CHI3L2: variants seen among roughly 807,000 people sequenced by gnomAD.
The protein encoded by CHI3L2 is chitinase-3-like protein 2.
CHI3L2 carries 47 observed loss-of-function variants against 47.3 expected under a neutral mutation model. The observed-to-expected ratio is 0.99, with a 90% CI of 0.79 to 1.27. The LOEUF (loss-of-function observed/expected upper bound fraction) is 1.27, where lower values mean the gene tolerates loss of function less well. Ranked by LOEUF, CHI3L2 falls within the 50% of genes most tolerant of loss-of-function variation. The probability of loss-of-function intolerance (pLI) is 0.00; values close to 1 mark genes in which losing one functional copy is unlikely to be tolerated. For synonymous variants in CHI3L2, 198 were observed against 169.9 expected (o/e 1.17, Z -1.28); for missense variants, 497 against 462.1 (o/e 1.08, Z -0.69).
intron 4 of CHI3L2, among the ~76,000 whole-genome samples, chr1:111,233,792 C>T (rs1240153463): frequency 6.6e-6 from 1 of 151,764 alleles, no homozygotes; most frequent in South Asian, 2.1e-4. Context: ...GGATGGTTGC[C>T]GTGTCTGTGT....
chr1:111,227,670 G>A (rs894484337), upstream of CHI3L2: 25 of 1,558,406 alleles, frequency 1.6e-5, no homozygotes, highest in Middle Eastern at 8.5e-4. Flanking sequence ...ACAGGCTGTC[G>A]AAACCTCAGT....
At chr1:111,236,502 C>T (rs1659891931) in intron 7 of CHI3L2, among the ~76,000 whole-genome samples, 1 of 152,156 alleles carries the variant, frequency 6.6e-6, no homozygotes, top group Admixed American at 6.5e-5. Flanking sequence ...TCTATATTCC[C>T]TATTTAATTC....
At chr1:111,228,054 G>T (rs969971315) in intron 1 of CHI3L2, among the ~76,000 whole-genome samples, 2 of 152,204 alleles carry the variant, frequency 1.3e-5, no homozygotes, top group Non-Finnish European at 2.9e-5. Flanking sequence ...ACAGGAAAGA[G>T]GCCAAGCTTT....
intron 7 of CHI3L2, among the ~76,000 whole-genome samples, chr1:111,238,482 A>T (rs1659948115): frequency 6.6e-6 from 1 of 152,196 alleles, no homozygotes; most frequent in African/African-American, 2.4e-5. Flanking sequence ...CCTTGATTTC[A>T]TGTTTTCTAG....
At chr1:111,233,843 A>G (rs1446930475) in intron 4 of CHI3L2, among the ~76,000 whole-genome samples, 4 of 152,086 alleles carry the variant, frequency 2.6e-5, no homozygotes, top group Non-Finnish European at 5.9e-5. Flanking sequence ...TTTGTTCTGT[A>G]CTAAGAAAAA....
At chr1:111,236,295 G>A in intron 7 of CHI3L2, 142 bp downstream of exon 7, 1 of 836,614 alleles carries the variant, frequency 1.2e-6, no homozygotes, top group Non-Finnish European at 1.8e-6. Flanking sequence ...AGGAGCAAGT[G>A]AGTGCAGGAG....
chr1:111,234,757 G>A (rs537346795), intron 4 of CHI3L2, 150 bp from the exon 5 acceptor site: 20 of 712,434 alleles, frequency 2.8e-5, no homozygotes, highest in South Asian at 2.1e-4. Context: ...TTTTTCTCTC[G>A]TCTGTTCCAA....
At chr1:111,227,845 C>T in intron 1 of CHI3L2, 76 bp downstream of exon 1, 1 of 1,409,540 alleles carries the variant, frequency 7.1e-7, no homozygotes, top group Non-Finnish European at 1.0e-6. Flanking sequence ...AAGAAGTAAT[C>T]TTCCTCCTTT....
At chr1:111,233,896 A>C (rs1335184082) in intron 4 of CHI3L2, among the ~76,000 whole-genome samples, 1 of 152,168 alleles carries the variant, frequency 6.6e-6, no homozygotes, top group African/African-American at 2.4e-5. Context: ...CCTTGCCCCC[A>C]ACCCTGTGCT....
intron 4 of CHI3L2, 79 bp downstream of exon 4, chr1:111,231,373 G>C: frequency 1.8e-6 from 2 of 1,106,184 alleles, no homozygotes; most frequent in Non-Finnish European, 2.7e-6. Flanking sequence ...TCTAAGAAGA[G>C]ATATTAAACT....
At chr1:111,239,158 AG>A (rs1659974913) in intron 8 of CHI3L2, 10 of 455,606 alleles carry the variant, frequency 2.2e-5, no homozygotes, top group Non-Finnish European at 1.1e-5. Flanking sequence ...GGAGCTAGCC[AG>A]GAATGGGGAT....
chr1:111,230,615 A>G (rs1659686688), intron 2 of CHI3L2, 127 bp from the exon 3 acceptor site: 2 of 744,178 alleles, frequency 2.7e-6, no homozygotes, highest in East Asian at 5.3e-5. Context: ...CCCAGGCTGA[A>G]TGACCCTCAG....
intron 1 of CHI3L2, 22 bp downstream of exon 1, chr1:111,227,791 C>T (rs2101541575): frequency 1.2e-6 from 2 of 1,612,608 alleles, no homozygotes; most frequent in East Asian, 4.5e-5. Flanking sequence ...GTTGATAATT[C>T]AGCAGGAAAT....
chr1:111,234,671 C>T (rs1420853897), intron 4 of CHI3L2, among the ~76,000 whole-genome samples: 4 of 152,192 alleles, frequency 2.6e-5, no homozygotes, highest in African/African-American at 7.2e-5. Flanking sequence ...AAGGCAGCTC[C>T]GTTACCCTTA....
intron 2 of CHI3L2, 122 bp downstream of exon 2, chr1:111,230,003 T>A (rs2101544538): frequency 9.3e-7 from 1 of 1,080,494 alleles, no homozygotes; most frequent in Non-Finnish European, 1.4e-6. Context: ...GTTCTGCCAC[T>A]GACATATTTA....
intron 1 of CHI3L2, among the ~76,000 whole-genome samples, chr1:111,228,316 C>T (rs1285080634): frequency 1.3e-5 from 2 of 151,810 alleles, no homozygotes; most frequent in African/African-American, 2.4e-5. Flanking sequence ...GAACGGGGGA[C>T]GTTTACCAGG....
chr1:111,240,944 G>A (rs146354332), intron 8 of CHI3L2, among the ~76,000 whole-genome samples: 2 of 152,306 alleles, frequency 1.3e-5, no homozygotes, highest in East Asian at 1.9e-4. Context: ...ATTTTTTAAT[G>A]TGTATTAGTT....
At chr1:111,237,660 T>A (rs1659923796) in intron 7 of CHI3L2, among the ~76,000 whole-genome samples, 1 of 152,206 alleles carries the variant, frequency 6.6e-6, no homozygotes, top group Non-Finnish European at 1.5e-5. Context: ...TATTTTGTTC[T>A]GAGAGCAGGA....
At chr1:111,230,090 T>TC (rs992215254) in intron 2 of CHI3L2, among the ~76,000 whole-genome samples, 26 of 151,956 alleles carry the variant, frequency 1.7e-4, no homozygotes, top group African/African-American at 6.3e-4. Flanking sequence ...CTCTCACCCC[T>TC]CCCCCATAGC....
Sources: allele counts gnomAD v4.1 joint callset (sites outside exome capture counted in the v4.1 genomes callset), GRCh38; gene constraint gnomAD v4.1.1; transcripts MANE v1.5; gene names NCBI Gene and HGNC (gene_info 2026-07-23, HGNC 2026-07-21).